Variants in SMYD3 observed in about 807,000 individuals in gnomAD.
SMYD3 encodes the protein histone-lysine N-methyltransferase SMYD3.
SMYD3 carries 36 observed loss-of-function variants against 57.7 expected under a neutral mutation model. The ratio of observed to expected loss-of-function variants is 0.62; its 90% CI spans 0.48 to 0.82. The LOEUF (loss-of-function observed/expected upper bound fraction) is 0.82, where lower values mean the gene tolerates loss of function less well. SMYD3 is among the 40% of genes least tolerant of loss of function. The pLI is 0.00. For missense variants in SMYD3, 515 were observed against 538.8 expected (o/e 0.96, Z 0.44); for synonymous variants, 211 against 195.0 (o/e 1.08, Z -0.68).
chr1:246,118,739 T>A (rs1217578964), intron 5 of SMYD3, among the ~76,000 whole-genome samples: 26 of 151,410 alleles, frequency 1.7e-4, no homozygotes, highest in Non-Finnish European at 4.4e-5. Flanking sequence ...AATTTTTTTT[T>A]AAAATGTGTG....
intron 5 of SMYD3, among the ~76,000 whole-genome samples, chr1:245,934,192 T>G (rs1043693362): frequency 6.6e-6 from 1 of 152,190 alleles, no homozygotes; most frequent in Admixed American, 6.5e-5. Flanking sequence ...GGACTAAATA[T>G]GAGTTTTCAA....
intron 10 of SMYD3, among the ~76,000 whole-genome samples, chr1:245,811,512 C>T (rs1256831058): frequency 1.3e-5 from 2 of 152,104 alleles, no homozygotes; most frequent in Non-Finnish European, 2.9e-5. Context: ...AAGGACTGGG[C>T]TTAGGATCTT....
At chr1:246,492,824 C>A (rs761875834) in intron 1 of SMYD3, among the ~76,000 whole-genome samples, 5 of 152,198 alleles carry the variant, frequency 3.3e-5, no homozygotes, top group Non-Finnish European at 7.3e-5. Context: ...ACACTGCCAC[C>A]TCGTGGGTCA....
chr1:246,479,646 T>C (rs1172498197), intron 1 of SMYD3, among the ~76,000 whole-genome samples: 1 of 151,724 alleles, frequency 6.6e-6, no homozygotes, highest in Non-Finnish European at 1.5e-5. Context: ...TAGCTGGAAC[T>C]ACAGGTGTGT....
chr1:246,079,290 G>A (rs186967253), intron 5 of SMYD3, among the ~76,000 whole-genome samples: 13 of 152,134 alleles, frequency 8.5e-5, no homozygotes, highest in Non-Finnish European at 1.8e-4. Context: ...TGATTGTAAG[G>A]ATTTTTCTGG....
chr1:245,872,282 T>G (rs148821367), intron 8 of SMYD3, among the ~76,000 whole-genome samples: 1 of 152,202 alleles, frequency 6.6e-6, no homozygotes, highest in Non-Finnish European at 1.5e-5. Flanking sequence ...ACAAGCAGGA[T>G]GTAGCAGGGC....
intron 10 of SMYD3, among the ~76,000 whole-genome samples, chr1:245,857,857 G>C (rs1484088707): frequency 1.3e-5 from 2 of 152,052 alleles, no homozygotes; most frequent in Non-Finnish European, 2.9e-5. Flanking sequence ...ATGCTTTTCT[G>C]AGTTATAAAA....
intron 3 of SMYD3, among the ~76,000 whole-genome samples, chr1:246,332,081 C>A (rs1449436115): frequency 6.6e-6 from 1 of 152,144 alleles, no homozygotes; most frequent in Non-Finnish European, 1.5e-5. Context: ...TTTACAATGA[C>A]CTATAAGTGA....
At chr1:246,253,335 T>C (rs945766643) in intron 5 of SMYD3, among the ~76,000 whole-genome samples, 4 of 152,216 alleles carry the variant, frequency 2.6e-5, no homozygotes, top group African/African-American at 2.4e-5. Context: ...GAGTACCCAA[T>C]GTTTAGCTCC....
chr1:246,067,112 A>G (rs1216261905), intron 5 of SMYD3, among the ~76,000 whole-genome samples: 1 of 152,232 alleles, frequency 6.6e-6, no homozygotes, highest in African/African-American at 2.4e-5. Flanking sequence ...ATCTAGTTTA[A>G]TAAAGATAGA....
intron 1 of SMYD3, among the ~76,000 whole-genome samples, chr1:246,381,546 G>C (rs988448043): frequency 6.6e-6 from 1 of 152,130 alleles, no homozygotes; most frequent in African/African-American, 2.4e-5. Flanking sequence ...TACCATGAAG[G>C]AAGACCAATG....
chr1:245,914,998 C>T (rs10754486), intron 8 of SMYD3, among the ~76,000 whole-genome samples: 146,921 of 152,260 alleles, frequency 0.96, 71,123 homozygotes, highest in East Asian at 1. Flanking sequence ...TTTTGGGAAA[C>T]GAAACCATTC....
intron 5 of SMYD3, among the ~76,000 whole-genome samples, chr1:246,028,941 A>T (rs1280305728): frequency 6.6e-6 from 1 of 152,212 alleles, no homozygotes; most frequent in Non-Finnish European, 1.5e-5. Context: ...ATTTACAGCC[A>T]ACCAATTGTA....
chr1:246,384,578 G>C (rs2066441855), intron 1 of SMYD3, among the ~76,000 whole-genome samples: 1 of 152,058 alleles, frequency 6.6e-6, no homozygotes. Context: ...TGTATTCTTA[G>C]TAGAGACAAG....
At chr1:245,832,644 A>G (rs34182761) in intron 10 of SMYD3, among the ~76,000 whole-genome samples, 18,775 of 152,074 alleles carry the variant, frequency 0.12, 1,288 homozygotes, top group South Asian at 0.21. Flanking sequence ...ACTCTTTGCC[A>G]TCTGAGTCTA....
At chr1:245,889,672 A>C (rs1558461786) in intron 8 of SMYD3, among the ~76,000 whole-genome samples, 1 of 152,186 alleles carries the variant, frequency 6.6e-6, no homozygotes, top group Non-Finnish European at 1.5e-5. Context: ...GCAAATTCTG[A>C]AAGAGGCATC....
chr1:246,074,374 A>C lies in SMYD3; in HGVS notation c.532-144437T>G, dbSNP rs10458429. On this transcript the variant is annotated intron_variant, in intron 5 of 11. Coordinates refer to ENST00000490107, the MANE Select transcript of SMYD3 (RefSeq NM_001167740.2). Reference sequence around the variant, plus strand: ...GTTTGCCAAAAAAAATTAAAAAAAAAAAACAAACTGTGAACATACACTAGA... The same window carrying C: ...GTTTGCCAAAAAAAATTAAAAAAAACAAACAAACTGTGAACATACACTAGA... Among the ~76,000 whole-genome samples, 103 of 152,134 alleles carry C rather than the reference A, an allele frequency of 6.8e-4. 1 individual carries two copies. Among genetic ancestry groups the C allele is most frequent in the African/African-American group, 1.3e-3 (55 of 41,484 alleles).
intron 1 of SMYD3, among the ~76,000 whole-genome samples, chr1:246,482,654 T>G (rs185234467): frequency 6.6e-6 from 1 of 152,322 alleles, no homozygotes; most frequent in East Asian, 1.9e-4. Context: ...GTCAAGTGCT[T>G]TCTTCTAAAG....
At chr1:246,481,098 A>T (rs1307084405) in intron 1 of SMYD3, among the ~76,000 whole-genome samples, 1 of 152,092 alleles carries the variant, frequency 6.6e-6, no homozygotes, top group African/African-American at 2.4e-5. Flanking sequence ...CATCCAAAAG[A>T]TCTCTTTAGA....
Sources: allele counts gnomAD v4.1 joint callset (sites outside exome capture counted in the v4.1 genomes callset), GRCh38; gene constraint gnomAD v4.1.1; transcripts MANE v1.5; gene names NCBI Gene and HGNC (gene_info 2026-07-23, HGNC 2026-07-21).